Variants in MYO15A observed in about 807,000 individuals in gnomAD.
The protein encoded by MYO15A is myosin XVA.
A neutral mutation model predicts 394.6 loss-of-function variants in MYO15A; 308 were observed. The observed-to-expected ratio is 0.78, with a 90% CI of 0.71 to 0.86. The LOEUF (loss-of-function observed/expected upper bound fraction) is 0.86. Ranked by LOEUF, MYO15A falls within the 40% of genes least tolerant of loss-of-function variation. The probability of loss-of-function intolerance (pLI) is 0.00; values close to 1 mark genes in which losing one functional copy is unlikely to be tolerated. For synonymous variants in MYO15A, 1,957 were observed against 2,003.8 expected, an observed-to-expected ratio of 0.98 and a Z score of 0.62; for missense variants, 4,606 against 4,799.1, an observed-to-expected ratio of 0.96 and a Z score of 1.19.
In MYO15A at chr17:18,137,560, C is replaced by G. The variant is rs564647254; in HGVS notation, c.4780-24C>G. The G allele has an allele frequency of 1.3e-4, 207 of 1,610,440 alleles. 2 individuals carry two copies. The South Asian group carries it at 2.2e-3, about 17-fold the overall frequency. The stretch of plus-strand genomic sequence containing the variant: ...GCTGGTGGCCAAGGAAGGACCAGTC[C>G]CAGCACCCCCATCCACCTGGCAGGA... On this transcript the variant is annotated intron_variant, in intron 15 of 65. Transcript: ENST00000647165.
intron 1 of MYO15A, among the ~76,000 whole-genome samples, chr17:18,115,334 C>T (rs897937807): frequency 2.0e-5 from 3 of 152,160 alleles, no homozygotes; most frequent in Admixed American, 6.5e-5. Flanking sequence ...AGACTGAGGT[C>T]GAGGCTAGGC....
intron 51 of MYO15A, chr17:18,158,247 A>AG (rs1567658474): frequency 5.1e-6 from 3 of 586,446 alleles, no homozygotes; most frequent in Non-Finnish European, 3.0e-6. Context: ...GGAGCTAGCG[A>AG]GGGGCGGGGT....
rs2046015390 is a variant in MYO15A at position 18,125,399 on chromosome 17, A to G, written c.3756+168A>G. On this transcript the variant is annotated intron_variant, in intron 4 of 65. Transcript: ENST00000647165. ...TGAAGTCTTAAAACACAGTCTTAGA[A>G]TGGTGGATGCCAGAGGCCGGGCACA... The G allele has an allele frequency of 9.9e-6, 7 of 703,572 alleles. No individual in the cohort carries two copies. In the South Asian group the frequency reaches 1.1e-4, roughly 11 times the overall value. 43.6% of individuals were successfully genotyped at this position (703,572 alleles called of 1,614,324 possible). A position where few individuals can be genotyped will look rare whatever the true frequency, so the allele number is the denominator to read the frequency against.
chr17:18,136,405 G>A lies in MYO15A; in HGVS notation c.4597-12G>A, dbSNP rs1242490432. The A allele has an allele frequency of 3.1e-6, 5 of 1,613,446 alleles. No homozygotes were observed. Among genetic ancestry groups the A allele is most frequent in the Non-Finnish European group, 4.2e-6 (5 of 1,180,034 alleles). On this transcript the variant is annotated splice_polypyrimidine_tract_variant and intron_variant, in intron 13 of 65. Transcript: ENST00000647165. Reference sequence around the variant, plus strand: ...CAGCCTGATGTCACTCAAGGGCTGTGCCCGTCCCTAGGAGACAATGCGAGA... The same window carrying A: ...CAGCCTGATGTCACTCAAGGGCTGTACCCGTCCCTAGGAGACAATGCGAGA...
intron 23 of MYO15A, 149 bp downstream of exon 23, chr17:18,141,919 A>G: frequency 1.7e-6 from 2 of 1,203,214 alleles, no homozygotes; most frequent in Non-Finnish European, 2.5e-6. Flanking sequence ...CTGATTCACC[A>G]GCATCCTCTC....
chr17:18,119,679 C>T lies in MYO15A; in HGVS notation c.879C>T (p.Asp293=). The change falls in exon 2 of 66, where the codon GAC becomes GAT. Residue 293 remains aspartate (D), a synonymous_variant. Transcript: ENST00000647165. The part of the protein sequence containing the change: ...PEDPYDYYHP[D]YYGGPFDPGY... ...ATCCCTACGACTACTACCACCCCGA[C>T]TATTACGGTGGCCCCTTTGATCCGG... is the stretch of plus-strand genomic sequence containing the variant. 1.2e-6 allele frequency: 2 copies of T among 1,607,874 alleles called. No individual in the cohort carries two copies. Among genetic ancestry groups the T allele is most frequent in the Non-Finnish European group, 1.7e-6 (2 of 1,179,966 alleles).
rs139664340 is a variant in MYO15A at position 18,130,991 on chromosome 17, G to A, written c.4038+181G>A. Among the ~76,000 whole-genome samples the A allele has an allele frequency of 7.9e-3, 1,197 of 152,088 alleles. 11 individuals carry two copies. Among genetic ancestry groups the A allele is most frequent in the African/African-American group, 0.027 (1,120 of 41,446 alleles). On this transcript the variant is annotated intron_variant, in intron 8 of 65. Transcript: ENST00000647165. ...GGGCTTGTGGTCAGGGGCTGCTGTGGGGGGCCATGGAGGCTGGAATGGGGA... is the reference window on the plus strand; with the variant it reads ...GGGCTTGTGGTCAGGGGCTGCTGTGAGGGGCCATGGAGGCTGGAATGGGGA...
chr17:18,127,011 A>G, intron 6 of MYO15A, 64 bp from the exon 7 acceptor site: 1 of 1,604,526 alleles, frequency 6.2e-7, no homozygotes. Flanking sequence ...TCATGATGGG[A>G]GTCAGGGTGC....
At chr17:18,112,688 G>A (rs757093747) in intron 1 of MYO15A, among the ~76,000 whole-genome samples, 8 of 152,108 alleles carry the variant, frequency 5.3e-5, no homozygotes, top group Non-Finnish European at 1.2e-4. Flanking sequence ...GACTACAGGT[G>A]TGAGCCAGCG....
intron 62 of MYO15A, chr17:18,169,487 C>T (rs1387075094): frequency 1.3e-5 from 2 of 149,174 alleles, no homozygotes; most frequent in Non-Finnish European, 3.0e-5. Context: ...AACAGGACCT[C>T]GTGGCCGGGC....
chr17:18,176,366 G>A (rs1453862747), intron 65 of MYO15A, among the ~76,000 whole-genome samples: 1 of 151,918 alleles, frequency 6.6e-6, no homozygotes, highest in African/African-American at 2.4e-5. Context: ...GGGAACAAGA[G>A]AGAGAGGGCC....
intron 7 of MYO15A, among the ~76,000 whole-genome samples, chr17:18,127,818 T>G (rs2046077555): frequency 6.3e-5 from 7 of 111,342 alleles, no homozygotes; most frequent in Non-Finnish European, 9.3e-5. Flanking sequence ...GTGGTGGAGG[T>G]GGGAAGAAAA....
intron 40 of MYO15A, 143 bp from the exon 41 acceptor site, chr17:18,151,703 T>C (rs1567653399): frequency 8.7e-7 from 1 of 1,151,718 alleles, no homozygotes; most frequent in East Asian, 2.6e-5. Context: ...GCTGTAGGAC[T>C]TCAGGCCAGT....
chr17:18,119,356 C>G lies in MYO15A; in HGVS notation c.556C>G (p.Arg186Gly), dbSNP rs1294256405. Residue 186 changes from arginine (R) to glycine (G), a missense_variant, in exon 2 of 66, where the codon CGG (arginine) becomes GGG (glycine). By Grantham distance (125) the Arg-to-Gly change is moderately radical. Around this residue, in one of 2 missense-constraint regions of MYO15A, gnomAD observed 1,830 missense variants for 1,689.7 expected, o/e 1.08. Transcript: ENST00000647165. ...TGCCGAGATCCTGCGGCCTGGGGGC[C>G]GGCTCCGGAGGTTCCCCCGCAGCCG... is the stretch of plus-strand genomic sequence containing the variant. ...SGAEILRPGG[R>G]LRRFPRSRSI... 3.7e-6 allele frequency: 6 copies of G among 1,608,914 alleles called. No homozygotes were observed. The highest frequency in any genetic ancestry group is 4.2e-6 in the Non-Finnish European group (5 of 1,179,082).
Position 18,121,856 on chromosome 17 carries a change from G to A in MYO15A, c.3056G>A (p.Gly1019Glu), listed in dbSNP as rs773237982. The A allele has an allele frequency of 1.2e-6, 2 of 1,612,766 alleles. No homozygotes were observed. The highest frequency in any genetic ancestry group is 8.5e-7 in the Non-Finnish European group (1 of 1,179,868). The change falls in exon 2 of 66, where the codon GGG (glycine) becomes GAG (glutamate). Residue 1019 changes from glycine (G) to glutamate (E), a missense_variant. By Grantham distance (98) the Gly-to-Glu change is moderately conservative. This residue lies in a region of MYO15A where 1,830 missense variants were observed against 1,689.7 expected (regional missense o/e 1.08). Coordinates refer to ENST00000647165, the MANE Select transcript of MYO15A (RefSeq NM_016239.4). This position sits in a 1 kb window ranked among gnomAD's most constrained non-coding sequence, Gnocchi z 5.3. ...AAGCCTGAAGAAGAGGCCACCCTGG[G>A]GGACCCCCAGCTGCCAGCAGAGACC... Reference protein sequence around the residue: ...PEKPEEEATLGDPQLPAETKP... With the variant: ...PEKPEEEATLEDPQLPAETKP...
chr17:18,155,059 G>T, intron 45 of MYO15A, 51 bp from the exon 46 acceptor site: 9 of 1,543,052 alleles, frequency 5.8e-6, no homozygotes, highest in Non-Finnish European at 7.1e-6. Flanking sequence ...CCGAGATGGG[G>T]GTTGCCAGGG....
chr17:18,144,363 G>A (rs2046438358), intron 28 of MYO15A, 134 bp from the exon 29 acceptor site: 1 of 877,790 alleles, frequency 1.1e-6, no homozygotes, highest in Non-Finnish European at 1.9e-6. Flanking sequence ...ACCAGCCTCA[G>A]TTTCCCCATC....
rs946758155 is a variant in MYO15A, at chr17:18,152,183, A to C, written c.7965A>C (p.Ser2655=). ...CAAGGCCATCCATGGCACCCACTTC[A>C]GGTGAGAGGGCCAGGAGGGAGGGAG... The part of the protein sequence containing the change: ...SAPRPSMAPT[S]ALPSRSLEPP... The change falls in exon 42 of 66, where the codon TCA becomes TCC. Residue 2655 remains serine, a splice_region_variant and synonymous_variant. Coordinates refer to ENST00000647165, the MANE Select transcript of MYO15A (RefSeq NM_016239.4). 2 of 1,497,040 alleles carry C rather than the reference A, an allele frequency of 1.3e-6. No homozygotes were observed. Among genetic ancestry groups the C allele is most frequent in the African/African-American group, 2.8e-5 (2 of 71,356 alleles). 92.7% of individuals were successfully genotyped at this position (1,497,040 alleles called of 1,614,324 possible). A position where few individuals can be genotyped will look rare whatever the true frequency, so the allele number is the denominator to read the frequency against.
At chr17:18,144,706 C>T (rs1042604613) in intron 29 of MYO15A, 114 bp downstream of exon 29, 5 of 954,670 alleles carry the variant, frequency 5.2e-6, no homozygotes, top group Non-Finnish European at 8.2e-6. Flanking sequence ...AGCCCCACAC[C>T]TCTTCCCCAA....
Sources: allele counts gnomAD v4.1 joint callset (sites outside exome capture counted in the v4.1 genomes callset), GRCh38; gene constraint gnomAD v4.1.1; regional missense constraint gnomAD v4.1.1; non-coding constraint Gnocchi (gnomAD v3.1); transcripts MANE v1.5; gene names NCBI Gene and HGNC (gene_info 2026-07-23, HGNC 2026-07-21).